The following WDR4 variants were observed in gnomAD, a reference collection of about 807,000 sequenced individuals.
WDR4 encodes the protein WDR4 tRNA N7-guanosine methyltransferase non-catalytic subunit, also known as tRNA (guanine-N(7)-)-methyltransferase non-catalytic subunit WDR4.
Under a neutral mutation model 48.6 loss-of-function variants are expected in WDR4, and 47 were observed. The observed-to-expected ratio is 0.97, with a 90% CI of 0.77 to 1.23. The LOEUF (loss-of-function observed/expected upper bound fraction) is 1.23, where lower values mean the gene tolerates loss of function less well. Ranked by LOEUF, WDR4 falls within the 50% of genes most tolerant of loss-of-function variation. The pLI is 0.00. For missense variants in WDR4, 606 were observed against 551.6 expected, an observed-to-expected ratio of 1.10 and a Z score of -0.99; for synonymous variants, 268 against 230.0, an observed-to-expected ratio of 1.17 and a Z score of -1.49.
the WDR4 span, among the ~76,000 whole-genome samples, chr21:42,888,487 A>G: frequency 6.6e-6 from 1 of 152,048 alleles, no homozygotes; most frequent in South Asian, 2.1e-4. Context: ...TGAGCCTGAG[A>G]AAGTCAAGGA....
intron 1 of WDR4, 44 bp downstream of exon 1, chr21:42,879,363 G>C: frequency 6.3e-7 from 1 of 1,597,702 alleles, no homozygotes; most frequent in Non-Finnish European, 8.6e-7. Context: ...CCCGACGCGC[G>C]CCCGCAGCCT....
At chr21:42,879,298 G>A (rs993615236) in intron 1 of WDR4, 109 bp downstream of exon 1, 14 of 1,461,960 alleles carry the variant, frequency 9.6e-6, no homozygotes, top group Middle Eastern at 2.4e-4. Context: ...AGTTCCCCGG[G>A]GTCACCCCAG....
At chr21:42,843,183 G>A (rs1001278485) in exon 12 of WDR4, 4 of 152,100 alleles carry the variant, frequency 2.6e-5, no homozygotes, top group Admixed American at 6.6e-5. Context: ...CTCGACTTAC[G>A]ATGGAGCTAC....
At chr21:42,864,074 T>G (rs1211547690) in intron 3 of WDR4, among the ~76,000 whole-genome samples, 4 of 64,608 alleles carry the variant, frequency 6.2e-5, no homozygotes, top group Non-Finnish European at 1.0e-4. Flanking sequence ...GCCACCGCAC[T>G]CCAGCCTGGG....
At chr21:42,855,896 AC>A in intron 6 of WDR4, 116 bp from the exon 7 acceptor site, 1 of 677,690 alleles carries the variant, frequency 1.5e-6, no homozygotes, top group Admixed American at 3.1e-5. Flanking sequence ...CATGCCACCC[AC>A]CCTCAGGAAT....
intron 3 of WDR4, 114 bp downstream of exon 3, chr21:42,873,437 T>C (rs974806459): frequency 2.1e-6 from 3 of 1,451,092 alleles, no homozygotes; most frequent in Non-Finnish European, 2.8e-6. Flanking sequence ...GAACTGCGGC[T>C]CCGTGTCAAC....
chr21:42,844,659 G>C (rs2057695888), downstream of WDR4, among the ~76,000 whole-genome samples: 2 of 152,172 alleles, frequency 1.3e-5, no homozygotes, highest in South Asian at 4.2e-4. Context: ...AGGTGCAGCA[G>C]GCCAAGGCCT....
chr21:42,871,498 C>G (rs1229895935), intron 3 of WDR4, among the ~76,000 whole-genome samples: 1 of 152,230 alleles, frequency 6.6e-6, no homozygotes, highest in Non-Finnish European at 1.5e-5. Flanking sequence ...GAAAACACTT[C>G]CCATCTTCTC....
chr21:42,882,336 G>A (rs981915754), upstream of WDR4, among the ~76,000 whole-genome samples: 1 of 151,002 alleles, frequency 6.6e-6, no homozygotes, highest in Admixed American at 6.6e-5. Flanking sequence ...GCCAAGGCGA[G>A]CAGATCACCT....
chr21:42,892,887 AAC>A, the WDR4 span, among the ~76,000 whole-genome samples: 4 of 152,180 alleles, frequency 2.6e-5, no homozygotes, highest in African/African-American at 7.2e-5. Context: ...AACCTCTCAA[AAC>A]ACAGAACTAT....
At chr21:42,873,383 G>C (rs763931709) in intron 3 of WDR4, among the ~76,000 whole-genome samples, 168 bp downstream of exon 3, 60 of 152,170 alleles carry the variant, frequency 3.9e-4, no homozygotes, top group Middle Eastern at 3.4e-3. Context: ...GTGAGGATCA[G>C]ATCAGCCAAC....
At chr21:42,884,654 A>G in the WDR4 span, among the ~76,000 whole-genome samples, 1 of 152,084 alleles carries the variant, frequency 6.6e-6, no homozygotes, top group Non-Finnish European at 1.5e-5. Flanking sequence ...CTCAAAAAAA[A>G]AAAAGTCCTT....
At chr21:42,873,436 C>T in intron 3 of WDR4, 115 bp downstream of exon 3, 1 of 1,439,704 alleles carries the variant, frequency 6.9e-7, no homozygotes, top group Non-Finnish European at 9.5e-7. Flanking sequence ...TGAACTGCGG[C>T]TCCGTGTCAA....
At chr21:42,876,825 T>A (rs116944707) in intron 1 of WDR4, 58 bp from the exon 2 acceptor site, 301,607 of 1,412,878 alleles carry the variant, frequency 0.21, 32,340 homozygotes, top group Non-Finnish European at 0.24. Flanking sequence ...AATAACAAAT[T>A]TTTTTTTTTT....
downstream of WDR4, among the ~76,000 whole-genome samples, chr21:42,847,531 C>CA (rs1361039171): frequency 6.6e-6 from 1 of 152,154 alleles, no homozygotes; most frequent in African/African-American, 2.4e-5. Flanking sequence ...AGCAGAGCCT[C>CA]AGAGTAGCCC....
chr21:42,891,013 A>G, the WDR4 span, among the ~76,000 whole-genome samples: 1 of 152,064 alleles, frequency 6.6e-6, no homozygotes, highest in Non-Finnish European at 1.5e-5. Flanking sequence ...TCGAGGCCCT[A>G]ATCACTTCCT....
intron 3 of WDR4, among the ~76,000 whole-genome samples, chr21:42,865,031 C>T (rs1245868522): frequency 3.9e-5 from 6 of 152,156 alleles, no homozygotes; most frequent in African/African-American, 7.2e-5. Flanking sequence ...GCTTCAGGAA[C>T]GCTGTCCTCA....
upstream of WDR4, chr21:42,883,508 G>C (rs1480900037): frequency 1.3e-5 from 2 of 153,616 alleles, no homozygotes; most frequent in Non-Finnish European, 2.9e-5. Context: ...CTTTTTTGGG[G>C]AAAGGGTCTT....
At chr21:42,846,769 C>T (rs2057714376), downstream of WDR4, among the ~76,000 whole-genome samples, 1 of 152,044 alleles carries the variant, frequency 6.6e-6, no homozygotes, top group South Asian at 2.1e-4. Context: ...CACCTATAAT[C>T]CCAGCACTTT....
Sources: gnomAD v4.1 joint callset for allele counts (sites outside exome capture counted in the v4.1 genomes callset) on GRCh38, gnomAD v4.1.1 for gene constraint, MANE v1.5 for transcripts, NCBI Gene and HGNC (gene_info 2026-07-23, HGNC 2026-07-21) for gene names.